Variants in GGA1 observed in about 807,000 individuals in gnomAD.
GGA1 encodes ADP-ribosylation factor-binding protein GGA1.
In GGA1, 18 loss-of-function variants were observed where a neutral mutation model predicts 76.9. The ratio of observed to expected loss-of-function variants is 0.23; its 90% CI spans 0.16 to 0.35. The LOEUF (loss-of-function observed/expected upper bound fraction) is 0.35, where lower values mean the gene tolerates loss of function less well. Ranked by LOEUF, GGA1 falls within the 10% of genes least tolerant of loss-of-function variation. The pLI is 1.00. For missense variants in GGA1, 755 were observed against 859.0 expected, an observed-to-expected ratio of 0.88 and a Z score of 1.51; for synonymous variants, 342 against 354.7, an observed-to-expected ratio of 0.96 and a Z score of 0.40.
chr22:37,617,772 T>C (rs538913512), intron 3 of GGA1: 87 of 930,866 alleles, frequency 9.3e-5, no homozygotes, highest in Admixed American at 1.2e-4. Context: ...TATGATTTCA[T>C]AGATGTAGCT....
At chr22:37,609,305 T>G in intron 1 of GGA1, 1 of 1,111,716 alleles carries the variant, frequency 9.0e-7, no homozygotes, top group Non-Finnish European at 1.1e-6. Flanking sequence ...CCCTACTATT[T>G]TCAGGCCCCG....
intron 5 of GGA1, 62 bp from the exon 6 acceptor site, chr22:37,620,751 T>C: frequency 9.9e-7 from 1 of 1,011,304 alleles, no homozygotes; most frequent in Non-Finnish European, 1.6e-6. Context: ...CCCATCCCCA[T>C]GTCACCCCTA....
chr22:37,626,659 A>G (rs73887013), intron 11 of GGA1: 1 of 152,236 alleles, frequency 6.6e-6, no homozygotes, highest in Non-Finnish European at 1.5e-5. Context: ...CAAGATTCAG[A>G]CTGTGGTTTC....
intron 4 of GGA1, chr22:37,619,704 G>A (rs1929526707): frequency 5.7e-6 from 4 of 697,752 alleles, no homozygotes; most frequent in Non-Finnish European, 1.1e-5. Context: ...AGCTGTTTGA[G>A]TGACAGCCCA....
chr22:37,620,960 G>T, intron 6 of GGA1, 47 bp downstream of exon 6: 1 of 1,166,118 alleles, frequency 8.6e-7, no homozygotes, highest in East Asian at 2.3e-5. Context: ...CCCAGGTGGG[G>T]GTCCGTGGGT....
At chr22:37,630,249 C>A in intron 13 of GGA1, 79 bp downstream of exon 13, 1 of 1,059,490 alleles carries the variant, frequency 9.4e-7, no homozygotes, top group Non-Finnish European at 1.4e-6. Context: ...TGGGCTTGTC[C>A]AGGCCCAGCA....
At chr22:37,608,990 G>C in intron 1 of GGA1, 87 bp downstream of exon 1, 1 of 1,347,642 alleles carries the variant, frequency 7.4e-7, no homozygotes. Flanking sequence ...CGGGGTACGG[G>C]TCGCCCCCTC....
chr22:37,631,377 C>T (rs2146006627), intron 14 of GGA1, among the ~76,000 whole-genome samples: 1 of 152,298 alleles, frequency 6.6e-6, no homozygotes, highest in Non-Finnish European at 1.5e-5. Flanking sequence ...GAAGGCAGGG[C>T]CCAGGACACA....
Position 37,614,236 on chromosome 22 carries a change from C to T in GGA1, c.90C>T (p.Ile30=). Residue 30 remains isoleucine (I), a synonymous_variant, in exon 2 of 17, where the codon ATC becomes ATT. Transcript: ENST00000343632. ...PLNKELDWAS[I]NGFCEQLNED... ...ACAAGGAGCTCGACTGGGCCAGCAT[C>T]AACGGCTTCTGCGAGCAGCTCAACG... 2 of 1,613,940 alleles carry T rather than the reference C, an allele frequency of 1.2e-6. No homozygotes were observed. Among genetic ancestry groups the T allele is most frequent in the Admixed American group, 3.3e-5 (2 of 60,018 alleles).
chr22:37,608,859 GGATGGAGCCCGC>G lies in GGA1; in HGVS notation c.9_20del (p.AlaMetGluPro4_?7). The G allele has an allele frequency of 2.3e-6, 3 of 1,307,420 alleles. No homozygotes were observed. The highest frequency in any genetic ancestry group is 3.1e-5 in the East Asian group (1 of 31,852). The allele number at this position is 1,307,420 out of a possible 1,614,324, so 81.0% of individuals were successfully genotyped here. A position where few individuals can be genotyped will look rare whatever the true frequency, so the allele number is the denominator to read the frequency against. ...GGTGCCGAGGCTGGGGGCCGGTGGC[GGATGGAGCCCGC>G]GATGGAGCCGGAGACTCTGGAGGCG... On this transcript the variant is annotated start_lost and 5_prime_UTR_variant, in exon 1 of 17. Transcript: ENST00000343632.
chr22:37,618,206 T>TA (rs1255918763), intron 3 of GGA1: 9 of 469,334 alleles, frequency 1.9e-5, no homozygotes, highest in Non-Finnish European at 3.5e-5. Context: ...TGAATGGGAC[T>TA]AGAGCATTGC....
intron 5 of GGA1, 22 bp downstream of exon 5, chr22:37,620,383 G>A: frequency 1.9e-6 from 3 of 1,613,364 alleles, no homozygotes; most frequent in Non-Finnish European, 2.5e-6. Flanking sequence ...AGAGGGTGGG[G>A]GGCGACCAGG....
rs571593383 is a variant in GGA1 at position 37,614,397 on chromosome 22, A to T, written c.128+123A>T. On this transcript the variant is annotated intron_variant, in intron 2 of 16. Transcript: ENST00000343632. ...TGAACGTATTCACAAAGTGATGAGG[A>T]TGGGGCACTTGGCACTGAATGCTGT... 4.3e-6 allele frequency: 3 copies of T among 700,304 alleles called. No homozygotes were observed. The South Asian group carries it at 4.6e-5, about 11-fold the overall frequency. The allele number at this position is 700,304 out of a possible 1,614,324, so 43.4% of individuals were successfully genotyped here. A position where few individuals can be genotyped will look rare whatever the true frequency, so the allele number is the denominator to read the frequency against.
rs1353714232 is a variant in GGA1, at chr22:37,625,076, G to A, written c.940G>A (p.Gly314Arg). The A allele has an allele frequency of 1.9e-6, 3 of 1,585,382 alleles. No homozygotes were observed. The highest frequency in any genetic ancestry group is 2.6e-6 in the Non-Finnish European group (3 of 1,166,124). Reference protein sequence around the residue: ...NGDATAGSIPGSTSALLDLSG... With the variant: ...NGDATAGSIPRSTSALLDLSG... ...TGATGCCACAGCCGGCTCCATCCCT[G>A]GTGAGGAGGTGGCAGGAGAGCTGGG... is the stretch of plus-strand genomic sequence containing the variant. The change falls in exon 10 of 17, where the codon GGG (glycine) becomes AGG (arginine). Residue 314 changes from glycine (G) to arginine (R), a missense_variant and splice_region_variant. Transcript: ENST00000343632. This position sits in a 1 kb window ranked among gnomAD's most constrained non-coding sequence, Gnocchi z 4.1.
chr22:37,622,971 C>G (rs554381559), intron 7 of GGA1, among the ~76,000 whole-genome samples: 1 of 152,208 alleles, frequency 6.6e-6, no homozygotes, highest in South Asian at 2.1e-4. Context: ...CAGGAACCTC[C>G]TTTGAAAGGG....
chr22:37,613,953 A>C, intron 1 of GGA1: 1 of 491,414 alleles, frequency 2.0e-6, no homozygotes, highest in East Asian at 3.7e-5. Context: ...GAGGAGGGGA[A>C]GGGCCCTGAC....
chr22:37,624,259 G>C lies in GGA1; in HGVS notation c.832+626G>C, dbSNP rs1930411919. On this transcript the variant is annotated intron_variant, in intron 9 of 16. Coordinates refer to ENST00000343632, the MANE Select transcript of GGA1 (RefSeq NM_013365.5). The surrounding 1 kb of genome is among the most constrained non-coding windows in gnomAD (Gnocchi z 4.3). ...AGGCAGTGTTGCCGAGGGCCTGATT[G>C]GTGCCAGGCACTGTTCTAGGCCCTC... is the stretch of plus-strand genomic sequence containing the variant. 1 of 159,068 alleles carries C rather than the reference G, an allele frequency of 6.3e-6. No homozygotes were observed. Among genetic ancestry groups the C allele is most frequent in the South Asian group, 1.7e-4 (1 of 6,000 alleles). 9.9% of individuals were successfully genotyped at this position (159,068 alleles called of 1,614,324 possible). A position where few individuals can be genotyped will look rare whatever the true frequency, so the allele number is the denominator to read the frequency against.
chr22:37,609,520 C>G (rs994537402), intron 1 of GGA1, among the ~76,000 whole-genome samples: 1 of 152,206 alleles, frequency 6.6e-6, no homozygotes, highest in Non-Finnish European at 1.5e-5. Context: ...ATTCCAAGCT[C>G]CCTGTCACTC....
At chr22:37,611,452 A>C (rs115850133) in intron 1 of GGA1, among the ~76,000 whole-genome samples, 365 of 152,286 alleles carry the variant, frequency 2.4e-3, no homozygotes, top group African/African-American at 8.5e-3. Context: ...TCTGCAGTAC[A>C]CGGGGTTTGT....
Sources: allele counts gnomAD v4.1 joint callset (sites outside exome capture counted in the v4.1 genomes callset), GRCh38; gene constraint gnomAD v4.1.1; non-coding constraint Gnocchi (gnomAD v3.1); transcripts MANE v1.5; gene names NCBI Gene and HGNC (gene_info 2026-07-23, HGNC 2026-07-21).